Variants in ATP10A observed in about 807,000 individuals in gnomAD.
ATP10A encodes ATPase phospholipid transporting 10A (putative).
ATP10A carries 111 observed loss-of-function variants against 147.8 expected under a neutral mutation model. That is an observed-to-expected ratio of 0.75 (90% CI 0.64 to 0.88). ATP10A has a LOEUF of 0.88. ATP10A is among the 40% of genes least tolerant of loss of function. The probability of loss-of-function intolerance (pLI) is 0.00; values close to 1 mark genes in which losing one functional copy is unlikely to be tolerated. For missense variants in ATP10A, 1,927 were observed against 1,959.0 expected (o/e 0.98, Z 0.31); for synonymous variants, 875 against 841.6 (o/e 1.04, Z -0.69).
At chr15:25,789,334 C>CA (rs1280773575) in intron 1 of ATP10A, among the ~76,000 whole-genome samples, 1 of 152,108 alleles carries the variant, frequency 6.6e-6, no homozygotes. Context: ...TGAGGCCTCC[C>CA]AAGTGAGGTC....
chr15:25,864,481 C>T (rs940816586), upstream of ATP10A, among the ~76,000 whole-genome samples: 2 of 152,152 alleles, frequency 1.3e-5, no homozygotes, highest in African/African-American at 4.8e-5. Context: ...AGGACCCTGG[C>T]TTGGGGAGGC....
intron 1 of ATP10A, among the ~76,000 whole-genome samples, chr15:25,792,781 A>G (rs1430710532): frequency 6.6e-6 from 1 of 151,912 alleles, no homozygotes; most frequent in Admixed American, 6.6e-5. Flanking sequence ...CTGCCAGGGC[A>G]GGGCTCTCAT....
rs76728575 is a variant in ATP10A, at chr15:25,807,975, A to G, written c.450-26752T>C. Among the ~76,000 whole-genome samples the G allele has an allele frequency of 5.3e-5, 8 of 152,180 alleles. 1 individual carries two copies. Among genetic ancestry groups the G allele is most frequent in the Admixed American group, 2.6e-4 (4 of 15,280 alleles). Reference sequence around the variant, plus strand: ...AGAACATACCAGTAGGAAAAAAAAAACAATAAGCAATCATGAAAGAATATT... The same window carrying G: ...AGAACATACCAGTAGGAAAAAAAAAGCAATAAGCAATCATGAAAGAATATT... On this transcript the variant is annotated intron_variant, in intron 1 of 20. Transcript: ENST00000555815.
chr15:25,712,175 T>G (rs538247079), intron 10 of ATP10A, among the ~76,000 whole-genome samples: 10 of 152,310 alleles, frequency 6.6e-5, no homozygotes, highest in African/African-American at 2.2e-4. Context: ...GGTAATTTTT[T>G]GGGGGGGACG....
intron 1 of ATP10A, among the ~76,000 whole-genome samples, chr15:25,782,695 T>G (rs1320769163): frequency 6.6e-6 from 1 of 152,218 alleles, no homozygotes; most frequent in Non-Finnish European, 1.5e-5. Context: ...ACATAATTTT[T>G]AGATTTCTTC....
chr15:25,778,494 G>GAA (rs1368658120), intron 2 of ATP10A, among the ~76,000 whole-genome samples: 44 of 126,554 alleles, frequency 3.5e-4, no homozygotes, highest in African/African-American at 1.2e-3. Context: ...TTTAGGGAAA[G>GAA]AGAAAAAAAA....
At chr15:25,705,912 G>A (rs969961354) in intron 12 of ATP10A, among the ~76,000 whole-genome samples, 3 of 152,192 alleles carry the variant, frequency 2.0e-5, no homozygotes, top group African/African-American at 7.2e-5. Flanking sequence ...GGCAACCCAG[G>A]AGTTCCATCG....
chr15:25,721,996 T>A, intron 6 of ATP10A, 87 bp from the exon 7 acceptor site: 1 of 1,410,160 alleles, frequency 7.1e-7, no homozygotes. Flanking sequence ...AACAAATGAC[T>A]ACAACCGCAA....
chr15:25,679,579 C>A lies in ATP10A; in HGVS notation c.4262G>T (p.Gly1421Val), dbSNP rs146352573. ...EESKVRAAST[G>V]RVTPLSSLFS... ...GAGGGAAGACAGGGGGGTCACCCTG[C>A]CGGTGCTGGCAGCTCTCACCTTGGA... The change falls in exon 21 of 21, where the codon GGC becomes GTC. Residue 1421 changes from glycine (G) to valine (V), a missense_variant. Physicochemically the swap from Gly to Val is moderately radical, Grantham distance 109. Coordinates refer to ENST00000555815, the MANE Select transcript of ATP10A (RefSeq NM_024490.4). 114 of 1,610,200 alleles carry A rather than the reference C, an allele frequency of 7.1e-5. No individual in the cohort carries two copies. The highest frequency in any genetic ancestry group is 9.3e-5 in the Non-Finnish European group (109 of 1,177,266).
At chr15:25,799,337 C>T (rs1890830268) in intron 1 of ATP10A, among the ~76,000 whole-genome samples, 1 of 152,156 alleles carries the variant, frequency 6.6e-6, no homozygotes, top group Admixed American at 6.5e-5. Flanking sequence ...CTCCCGGCCT[C>T]ACATTTCTTG....
At chr15:25,802,206 C>T (rs935255) in intron 1 of ATP10A, among the ~76,000 whole-genome samples, 131,791 of 152,196 alleles carry the variant, frequency 0.87, 58,276 homozygotes, top group Non-Finnish European at 0.96. Context: ...CGTGGAAACA[C>T]GTGCGTGTGC....
chr15:25,812,123 A>G (rs1040530734), intron 1 of ATP10A, among the ~76,000 whole-genome samples: 1 of 152,230 alleles, frequency 6.6e-6, no homozygotes, highest in African/African-American at 2.4e-5. Flanking sequence ...TTGGCACTCT[A>G]AGAAACTGAC....
chr15:25,694,638 G>C (rs1291471573), intron 14 of ATP10A, among the ~76,000 whole-genome samples, 181 bp downstream of exon 14: 1 of 152,216 alleles, frequency 6.6e-6, no homozygotes, highest in African/African-American at 2.4e-5. Context: ...ACTCTCTTTT[G>C]TGGCTTTCCA....
At chr15:25,822,888 C>T (rs1240683185) in intron 1 of ATP10A, among the ~76,000 whole-genome samples, 2 of 151,986 alleles carry the variant, frequency 1.3e-5, no homozygotes, top group Non-Finnish European at 2.9e-5. Context: ...AAGCTAGATT[C>T]CTATGTAATA....
At position 25,863,235 on chromosome 15, in the gene ATP10A, C is replaced by T. The variant is rs1210404361; in HGVS notation, c.-139G>A. On this transcript the variant is annotated 5_prime_UTR_variant, in exon 1 of 21. Transcript: ENST00000555815. Reference sequence around the variant, plus strand: ...ACGCACGGAGACCGCGGTCAGCGCGCCGCCTGGCCGGCCCAGCGCGCCCAG... The same window carrying T: ...ACGCACGGAGACCGCGGTCAGCGCGTCGCCTGGCCGGCCCAGCGCGCCCAG... The T allele has an allele frequency of 2.1e-5, 11 of 514,546 alleles. No individual in the cohort carries two copies. Among genetic ancestry groups the T allele is most frequent in the Non-Finnish European group, 2.8e-5 (11 of 389,446 alleles). 31.9% of individuals were successfully genotyped at this position (514,546 alleles called of 1,614,324 possible).
intron 1 of ATP10A, among the ~76,000 whole-genome samples, chr15:25,797,003 C>G (rs1274424309): frequency 6.6e-6 from 1 of 152,014 alleles, no homozygotes; most frequent in Non-Finnish European, 1.5e-5. Context: ...CATTTAAAAT[C>G]TACTTGTTAG....
intron 19 of ATP10A, 129 bp downstream of exon 19, chr15:25,680,681 A>G: frequency 1.2e-6 from 1 of 867,864 alleles, no homozygotes; most frequent in Non-Finnish European, 1.9e-6. Context: ...CCTTCTCATC[A>G]CACTGAGGTC....
intron 2 of ATP10A, among the ~76,000 whole-genome samples, chr15:25,756,973 T>G (rs1888448307): frequency 6.6e-6 from 1 of 152,224 alleles, no homozygotes; most frequent in Non-Finnish European, 1.5e-5. Context: ...ATATAACTGT[T>G]AAAATGAGTA....
intron 12 of ATP10A, among the ~76,000 whole-genome samples, chr15:25,702,549 T>G (rs1360213425): frequency 6.6e-6 from 1 of 152,232 alleles, no homozygotes; most frequent in African/African-American, 2.4e-5. Flanking sequence ...AAATTCAGAA[T>G]GTCCAGTCTC....
Sources: allele counts gnomAD v4.1 joint callset (sites outside exome capture counted in the v4.1 genomes callset), GRCh38; gene constraint gnomAD v4.1.1; transcripts MANE v1.5; gene names NCBI Gene and HGNC (gene_info 2026-07-23, HGNC 2026-07-21).